STK32C: variants seen among roughly 807,000 people sequenced by gnomAD.
The protein encoded by STK32C is serine/threonine-protein kinase 32C.
Under a neutral mutation model 56.5 loss-of-function variants are expected in STK32C, and 31 were observed. The observed-to-expected ratio is 0.55, with a 90% CI of 0.41 to 0.74. The LOEUF is 0.74. Among genes scored for constraint, STK32C ranks in the 30% least tolerant of loss-of-function variants. The probability of loss-of-function intolerance (pLI) is 0.00; values close to 1 mark genes in which losing one functional copy is unlikely to be tolerated. For synonymous variants in STK32C, 309 were observed against 289.4 expected (o/e 1.07, Z -0.69); for missense variants, 544 against 676.9 (o/e 0.80, Z 2.18).
chr10:132,215,166 A>G (rs1332944299), intron 10 of STK32C, among the ~76,000 whole-genome samples: 1 of 152,106 alleles, frequency 6.6e-6, no homozygotes, highest in East Asian at 1.9e-4. Flanking sequence ...TCACAGGTGT[A>G]TCCCACCACA....
chr10:132,269,615 G>A (rs555599527), intron 1 of STK32C, among the ~76,000 whole-genome samples: 14 of 152,260 alleles, frequency 9.2e-5, no homozygotes, highest in Non-Finnish European at 1.6e-4. Flanking sequence ...CTAACAGCTA[G>A]TGGATGGTCT....
At chr10:132,298,645 G>A (rs937673787) in intron 1 of STK32C, among the ~76,000 whole-genome samples, 3 of 151,534 alleles carry the variant, frequency 2.0e-5, no homozygotes, top group African/African-American at 7.3e-5. Flanking sequence ...GGAGTTGAGC[G>A]CCGTGTGTGG....
At chr10:132,244,623 C>T (rs2063621552) in intron 2 of STK32C, among the ~76,000 whole-genome samples, 1 of 152,238 alleles carries the variant, frequency 6.6e-6, no homozygotes, top group South Asian at 2.1e-4. Context: ...CCCAACCTCC[C>T]TCCTTGAACC....
At chr10:132,281,444 G>A (rs745906407) in intron 1 of STK32C, among the ~76,000 whole-genome samples, 8 of 152,078 alleles carry the variant, frequency 5.3e-5, no homozygotes, top group Non-Finnish European at 7.4e-5. Context: ...GTACCTTACC[G>A]GGCCCGCTCC....
chr10:132,212,171 G>A (rs1405889734), intron 10 of STK32C, among the ~76,000 whole-genome samples: 1 of 152,134 alleles, frequency 6.6e-6, no homozygotes, highest in African/African-American at 2.4e-5. Context: ...GAACAAAACT[G>A]GGGGATTCAC....
At chr10:132,256,486 G>T (rs2064126996) in intron 1 of STK32C, among the ~76,000 whole-genome samples, 1 of 152,184 alleles carries the variant, frequency 6.6e-6, no homozygotes, top group Non-Finnish European at 1.5e-5. Flanking sequence ...TGCCATAAAT[G>T]AGTGATTAGG....
chr10:132,326,893 T>C (rs574769408), intron 1 of STK32C, among the ~76,000 whole-genome samples: 1 of 152,310 alleles, frequency 6.6e-6, no homozygotes, highest in African/African-American at 2.4e-5. Flanking sequence ...CTTTTGTTTT[T>C]GGTTTACAAT....
chr10:132,223,760 C>T lies in STK32C; in HGVS notation c.993+647G>A, dbSNP rs542975093. On this transcript the variant is annotated intron_variant, in intron 8 of 11. Transcript: ENST00000298630. The stretch of plus-strand genomic sequence containing the variant: ...GGGAGGCAGCCGGGCCCGTGTGGCA[C>T]ACTCACTCCCCTCCCTGTCCTGCCT... Among the ~76,000 whole-genome samples, 6 of 152,320 alleles carry T rather than the reference C, an allele frequency of 3.9e-5. No individual in the cohort carries two copies. In the South Asian group the frequency reaches 1.2e-3, roughly 32 times the overall value.
intron 2 of STK32C, among the ~76,000 whole-genome samples, chr10:132,231,898 C>T (rs1368513542): frequency 6.6e-6 from 1 of 152,226 alleles, no homozygotes; most frequent in African/African-American, 2.4e-5. Context: ...CCCACGGAGC[C>T]GCCCAGAGGG....
At chr10:132,295,579 G>A (rs1427657766) in intron 1 of STK32C, among the ~76,000 whole-genome samples, 7 of 151,888 alleles carry the variant, frequency 4.6e-5, no homozygotes, top group Non-Finnish European at 1.0e-4. Flanking sequence ...GCAAGGAAGA[G>A]ACAAATCTAC....
intron 7 of STK32C, 64 bp downstream of exon 7, chr10:132,225,169 G>T: frequency 1.5e-6 from 2 of 1,376,904 alleles, no homozygotes; most frequent in African/African-American, 1.5e-5. Context: ...CCCCTCCCCA[G>T]CACTGGTGGG....
intron 2 of STK32C, among the ~76,000 whole-genome samples, chr10:132,233,711 T>C (rs1038654144): frequency 2.0e-5 from 3 of 152,220 alleles, no homozygotes; most frequent in African/African-American, 7.2e-5. Context: ...CCTATGGCTG[T>C]CAGGTGTTGG....
At chr10:132,257,540 C>T (rs970953804) in intron 1 of STK32C, among the ~76,000 whole-genome samples, 2 of 152,040 alleles carry the variant, frequency 1.3e-5, no homozygotes, top group Non-Finnish European at 2.9e-5. Context: ...GGCGGAGCTG[C>T]GAAGGAGTGG....
At chr10:132,245,386 C>A (rs868669091) in intron 2 of STK32C, among the ~76,000 whole-genome samples, 1 of 152,200 alleles carries the variant, frequency 6.6e-6, no homozygotes, top group African/African-American at 2.4e-5. Flanking sequence ...TATTACAAGG[C>A]GGCAATCAGG....
chr10:132,277,219 C>T lies in STK32C; in HGVS notation c.262+30353G>A, dbSNP rs549557203. Among the ~76,000 whole-genome samples the T allele has an allele frequency of 9.7e-4, 148 of 152,190 alleles. 1 individual carries two copies. Among genetic ancestry groups the T allele is most frequent in the Admixed American group, 2.4e-3 (37 of 15,280 alleles). On this transcript the variant is annotated intron_variant, in intron 1 of 11. Coordinates refer to ENST00000298630, the MANE Select transcript of STK32C (RefSeq NM_173575.4). The stretch of plus-strand genomic sequence containing the variant: ...TCTTGGCCAGGACCATCAAAACCAC[C>T]GAAGACGGGCCGAAGGGAGTCAGGG...
At chr10:132,253,018 G>A (rs965216219) in intron 1 of STK32C, among the ~76,000 whole-genome samples, 1 of 152,158 alleles carries the variant, frequency 6.6e-6, no homozygotes, top group Non-Finnish European at 1.5e-5. Context: ...CCCTGAACCA[G>A]GCCCCACAAT....
At chr10:132,259,804 G>A (rs980039147) in intron 1 of STK32C, among the ~76,000 whole-genome samples, 4 of 152,234 alleles carry the variant, frequency 2.6e-5, no homozygotes, top group African/African-American at 4.8e-5. Flanking sequence ...CCGGCATTCC[G>A]GAGCGGCCCC....
At position 132,259,930 on chromosome 10, in the gene STK32C, C is replaced by T. The variant is rs796251880; in HGVS notation, c.263-13975G>A. The stretch of plus-strand genomic sequence containing the variant: ...TGGCCTGAATAAGCCCATCGGGCTT[C>T]GCAGGGCAGGGGTTGTTGCCATGGT... On this transcript the variant is annotated intron_variant, in intron 1 of 11. Coordinates refer to ENST00000298630, the MANE Select transcript of STK32C (RefSeq NM_173575.4). 9.8e-5 allele frequency among the ~76,000 whole-genome samples: 15 copies of T among 152,328 alleles called. 1 individual carries two copies. The highest frequency in any genetic ancestry group is 1.5e-4 in the Non-Finnish European group (10 of 68,036).
chr10:132,231,410 C>T (rs1316091269), intron 2 of STK32C, among the ~76,000 whole-genome samples: 9 of 152,234 alleles, frequency 5.9e-5, no homozygotes, highest in Non-Finnish European at 1.5e-5. Flanking sequence ...AGTCTTTGGG[C>T]TCTGTGTCCT....
Sources: allele counts gnomAD v4.1 joint callset (sites outside exome capture counted in the v4.1 genomes callset), GRCh38; gene constraint gnomAD v4.1.1; transcripts MANE v1.5; gene names NCBI Gene and HGNC (gene_info 2026-07-23, HGNC 2026-07-21).